The following STIM1 variants were observed in gnomAD, a reference collection of about 807,000 sequenced individuals.
STIM1 encodes stromal interaction molecule 1.
A neutral mutation model predicts 74.7 loss-of-function variants in STIM1; 25 were observed. The ratio of observed to expected loss-of-function variants is 0.33; its 90% CI spans 0.24 to 0.47. The LOEUF is 0.47. STIM1 is among the 20% of genes least tolerant of loss of function. The pLI is 1.00. For missense variants in STIM1, 728 were observed against 920.8 expected, an observed-to-expected ratio of 0.79 and a Z score of 2.71; for synonymous variants, 328 against 348.8, an observed-to-expected ratio of 0.94 and a Z score of 0.66.
intron 5 of STIM1, among the ~76,000 whole-genome samples, chr11:4,065,730 G>T (rs1291465594): frequency 6.6e-6 from 1 of 152,132 alleles, no homozygotes; most frequent in African/African-American, 2.4e-5. Flanking sequence ...TACCTGAATA[G>T]CTGAGGCATT....
chr11:3,895,965 C>T (rs1244405275), intron 1 of STIM1, among the ~76,000 whole-genome samples: 11 of 147,910 alleles, frequency 7.4e-5, no homozygotes, highest in Non-Finnish European at 1.2e-4. Context: ...AGTGTAGTGG[C>T]GCGATCTCGG....
chr11:3,900,618 C>G (rs1014998055), intron 1 of STIM1, among the ~76,000 whole-genome samples: 2 of 152,220 alleles, frequency 1.3e-5, no homozygotes, highest in African/African-American at 4.8e-5. Flanking sequence ...GAGTCTTTCC[C>G]TCTATTGCCC....
chr11:4,059,874 T>G (rs1391565805), intron 5 of STIM1, among the ~76,000 whole-genome samples: 2 of 152,184 alleles, frequency 1.3e-5, no homozygotes, highest in Admixed American at 1.3e-4. Context: ...ATATGAAAAG[T>G]ATGCTCAGGG....
chr11:3,912,707 G>A (rs1422692678), intron 1 of STIM1, among the ~76,000 whole-genome samples: 3 of 152,266 alleles, frequency 2.0e-5, no homozygotes, highest in Middle Eastern at 3.4e-3. Context: ...AAAAACTGAG[G>A]TAATATGAAA....
chr11:3,989,378 C>G (rs759912988), intron 2 of STIM1: 10 of 775,706 alleles, frequency 1.3e-5, no homozygotes, highest in Middle Eastern at 2.3e-4. Context: ...TTTGCAGGAG[C>G]AGGTTTAGCA....
chr11:3,972,627 C>T (rs2958715), intron 2 of STIM1, among the ~76,000 whole-genome samples: 151,986 of 152,338 alleles, frequency 1, 75,817 homozygotes, highest in Middle Eastern at 1. Context: ...TAGTCACAAA[C>T]ACAGTCCTAC....
chr11:3,922,631 CA>C, intron 1 of STIM1: 1 of 167,780 alleles, frequency 6.0e-6, no homozygotes, highest in Admixed American at 5.9e-5. Flanking sequence ...GGAGGGAAAG[CA>C]AACGTGGTGA....
At chr11:4,012,584 G>T (rs1259341025) in intron 2 of STIM1, among the ~76,000 whole-genome samples, 1 of 152,232 alleles carries the variant, frequency 6.6e-6, no homozygotes, top group Non-Finnish European at 1.5e-5. Flanking sequence ...TATATCCTGA[G>T]ACTTTGCTGA....
intron 1 of STIM1, among the ~76,000 whole-genome samples, chr11:3,895,695 T>TTTCC (rs2092089728): frequency 1.3e-4 from 4 of 30,842 alleles, no homozygotes; most frequent in Admixed American, 3.5e-4. Flanking sequence ...TCTTTCTTTC[T>TTTCC]TTCTTTCTTT....
chr11:4,068,536 A>C (rs1029381195), intron 5 of STIM1, among the ~76,000 whole-genome samples: 3 of 152,160 alleles, frequency 2.0e-5, no homozygotes, highest in Non-Finnish European at 2.9e-5. Flanking sequence ...TGTGCTGCAG[A>C]AATAGCTCCC....
chr11:3,994,501 C>A (rs1351892273), intron 2 of STIM1, among the ~76,000 whole-genome samples: 1 of 147,354 alleles, frequency 6.8e-6, no homozygotes, highest in Non-Finnish European at 1.5e-5. Flanking sequence ...CACTCTGTCA[C>A]CCAGGCTGGA....
At chr11:3,883,549 T>G (rs2091598200) in intron 1 of STIM1, among the ~76,000 whole-genome samples, 1 of 152,108 alleles carries the variant, frequency 6.6e-6, no homozygotes, top group Non-Finnish European at 1.5e-5. Flanking sequence ...GATGGGGTTT[T>G]ACCATGTTGG....
intron 1 of STIM1, among the ~76,000 whole-genome samples, chr11:3,962,471 G>GTGTT (rs2093297591): frequency 1.3e-5 from 2 of 151,320 alleles, no homozygotes; most frequent in African/African-American, 4.9e-5. Flanking sequence ...GTGTGTGTGT[G>GTGTT]TGTGTATAAA....
rs57360702 is a variant in STIM1 at position 3,945,428 on chromosome 11, TA to T, written c.140-22113del. ...ACAATCTTTACTAAAAATAAAAAAA[TA>T]AAAAAAAAAAGAAAAGAAAATTAGC... On this transcript the variant is annotated intron_variant, in intron 1 of 12. Transcript: ENST00000526596. Among the ~76,000 whole-genome samples the T allele has an allele frequency of 9.8e-3, 1,385 of 140,622 alleles. 22 individuals are homozygous for T. Among genetic ancestry groups the T allele is most frequent in the African/African-American group, 0.034 (1,307 of 38,308 alleles). 92.3% of individuals were successfully genotyped at this position (140,622 alleles called of 152,430 possible). A position where few individuals can be genotyped will look rare whatever the true frequency, so the allele number is the denominator to read the frequency against.
At chr11:4,009,234 G>T (rs955397413) in intron 2 of STIM1, among the ~76,000 whole-genome samples, 7 of 151,736 alleles carry the variant, frequency 4.6e-5, no homozygotes, top group Non-Finnish European at 1.0e-4. Context: ...GGCGGAGCTT[G>T]CAGTGAGCTG....
chr11:4,032,163 T>A (rs2132931282), intron 3 of STIM1, among the ~76,000 whole-genome samples: 1 of 152,296 alleles, frequency 6.6e-6, no homozygotes, highest in South Asian at 2.1e-4. Flanking sequence ...ACACCTCTCA[T>A]CTTTTGTCAA....
intron 2 of STIM1, chr11:3,974,235 A>G (rs2093423858): frequency 2.5e-6 from 1 of 394,096 alleles, no homozygotes; most frequent in East Asian, 3.8e-5. Context: ...TGTCTTAGAC[A>G]TGATAGCAGT....
intron 1 of STIM1, among the ~76,000 whole-genome samples, chr11:3,870,617 C>T (rs1340261451): frequency 2.0e-5 from 3 of 152,076 alleles, no homozygotes; most frequent in Non-Finnish European, 4.4e-5. Flanking sequence ...CCATCTCGGC[C>T]CAACAAGTAG....
chr11:3,969,272 G>T (rs1373233984), intron 2 of STIM1, among the ~76,000 whole-genome samples: 1 of 151,746 alleles, frequency 6.6e-6, no homozygotes, highest in Non-Finnish European at 1.5e-5. Context: ...ATAGCTTGAG[G>T]CCAAGAATTT....
Sources: gnomAD v4.1 joint callset for allele counts (sites outside exome capture counted in the v4.1 genomes callset) on GRCh38, gnomAD v4.1.1 for gene constraint, MANE v1.5 for transcripts, NCBI Gene and HGNC (gene_info 2026-07-23, HGNC 2026-07-21) for gene names.